DNAI4: variants seen among roughly 807,000 people sequenced by gnomAD.
DNAI4 encodes dynein axonemal intermediate chain 4.
DNAI4 carries 85 observed loss-of-function variants against 105.8 expected under a neutral mutation model. The observed-to-expected ratio is 0.80, with a 90% CI of 0.67 to 0.96. The LOEUF (loss-of-function observed/expected upper bound fraction) is 0.96, where lower values mean the gene tolerates loss of function less well. Among genes scored for constraint, DNAI4 ranks in the 40% least tolerant of loss-of-function variants. DNAI4 has a pLI of 0.00. For synonymous variants in DNAI4, 352 were observed against 331.5 expected, an observed-to-expected ratio of 1.06 and a Z score of -0.67; for missense variants, 1,014 against 1,005.6, an observed-to-expected ratio of 1.01 and a Z score of -0.11.
rs572128431 is a variant in DNAI4 at position 66,814,035 on chromosome 1, T to A, written c.*95A>T. ...AAGTTATACATCAAATATTGTTTTC[T>A]GAAATCAAAATCTGGTGTACAGTAT... On this transcript the variant is annotated 3_prime_UTR_variant, in exon 17 of 17. Transcript: ENST00000371026. The A allele has an allele frequency of 1.2e-6, 1 of 851,048 alleles. No homozygotes were observed. Among genetic ancestry groups the A allele is most frequent in the South Asian group, 2.5e-5 (1 of 39,726 alleles). The allele number at this position is 851,048 out of a possible 1,614,324, so 52.7% of individuals were successfully genotyped here.
intron 1 of DNAI4, among the ~76,000 whole-genome samples, chr1:66,914,543 C>T (rs1238488872): frequency 6.6e-6 from 1 of 152,020 alleles, no homozygotes; most frequent in Non-Finnish European, 1.5e-5. Context: ...TTTTCATTTC[C>T]TTCTAGCACA....
chr1:66,819,060 AG>A (rs1391639193), intron 16 of DNAI4, among the ~76,000 whole-genome samples: 2 of 152,216 alleles, frequency 1.3e-5, no homozygotes, highest in Non-Finnish European at 2.9e-5. Flanking sequence ...CTTTCTGAAG[AG>A]GCTATTTTAA....
intron 7 of DNAI4, chr1:66,848,229 T>C (rs1331576535): frequency 1.3e-5 from 6 of 456,208 alleles, no homozygotes; most frequent in South Asian, 9.3e-5. Flanking sequence ...CACCACAACC[T>C]TTCCTTCATC....
chr1:66,901,766 G>A (rs1164421692), intron 2 of DNAI4, among the ~76,000 whole-genome samples: 1 of 152,100 alleles, frequency 6.6e-6, no homozygotes, highest in Non-Finnish European at 1.5e-5. Context: ...TCAAGGTTTG[G>A]AGGAATCACG....
chr1:66,924,739 C>T lies in DNAI4; in HGVS notation c.93G>A (p.Gly31=). Residue 31 remains glycine (G), a synonymous_variant, in exon 1 of 17, where the codon GGG becomes GGA. Coordinates refer to ENST00000371026, the MANE Select transcript of DNAI4 (RefSeq NM_024763.5). ...YRDFRGGQKK[G]WCTTPQLVAT... is the part of the protein sequence containing the mutation. ...CGACCAGCTGGGGAGTGGTGCACCA[C>T]CCCTTTTTTTGGCCGCCTCTGAAGT... 2 of 1,614,070 alleles carry T rather than the reference C, an allele frequency of 1.2e-6. No individual in the cohort carries two copies. Among genetic ancestry groups the T allele is most frequent in the Non-Finnish European group, 8.5e-7 (1 of 1,179,950 alleles).
At chr1:66,902,234 GT>G (rs35528389) in intron 2 of DNAI4, among the ~76,000 whole-genome samples, 10 of 151,706 alleles carry the variant, frequency 6.6e-5, no homozygotes, top group Non-Finnish European at 1.3e-4. Context: ...ATTTTGTTTT[GT>G]TTTTTTTAAT....
intron 5 of DNAI4, among the ~76,000 whole-genome samples, chr1:66,872,210 TTTATTTATTA>T (rs1478965768): frequency 9.5e-6 from 1 of 104,756 alleles, no homozygotes; most frequent in Non-Finnish European, 2.1e-5. Context: ...GGTTATTTTA[TTTATTTATTA>T]TTTATTTATT....
At chr1:66,908,998 T>C (rs868468508) in intron 1 of DNAI4, among the ~76,000 whole-genome samples, 19 of 152,286 alleles carry the variant, frequency 1.2e-4, no homozygotes, top group Middle Eastern at 6.8e-3. Flanking sequence ...CTGAATGAAT[T>C]CTCTATTATT....
chr1:66,873,222 C>G (rs1646886970), intron 5 of DNAI4, among the ~76,000 whole-genome samples: 1 of 150,978 alleles, frequency 6.6e-6, no homozygotes, highest in South Asian at 2.1e-4. Context: ...CCCTCCTCTC[C>G]CTCCTCTTCT....
At chr1:66,879,347 G>A (rs1401250339) in intron 4 of DNAI4, among the ~76,000 whole-genome samples, 1 of 152,140 alleles carries the variant, frequency 6.6e-6, no homozygotes, top group African/African-American at 2.4e-5. Flanking sequence ...CATCAATCTT[G>A]TTGCATGGAT....
In DNAI4 at chr1:66,813,707, G is replaced by A. The variant is rs1033229447; in HGVS notation, c.*423C>T. On this transcript the variant is annotated 3_prime_UTR_variant, in exon 17 of 17. Coordinates refer to ENST00000371026, the MANE Select transcript of DNAI4 (RefSeq NM_024763.5). Reference sequence around the variant, plus strand: ...TAAAAACTACGTAATTATAAACTCTGGAAAACAGAGCCTGGAAAGCAGAAG... The same window carrying A: ...TAAAAACTACGTAATTATAAACTCTAGAAAACAGAGCCTGGAAAGCAGAAG... 2 of 153,428 alleles carry A rather than the reference G, an allele frequency of 1.3e-5. No homozygotes were observed. Among genetic ancestry groups the A allele is most frequent in the African/African-American group, 4.8e-5 (2 of 41,574 alleles). The allele number at this position is 153,428 out of a possible 1,614,324, so 9.5% of individuals were successfully genotyped here.
chr1:66,834,204 C>G (rs1645932136), intron 11 of DNAI4, 56 bp from the exon 12 acceptor site: 2 of 1,412,888 alleles, frequency 1.4e-6, no homozygotes, highest in African/African-American at 3.0e-5. Context: ...TTCTTAAAGG[C>G]CTTGGAGTAT....
chr1:66,870,458 AG>A (rs1646819426), intron 6 of DNAI4, among the ~76,000 whole-genome samples: 2 of 148,858 alleles, frequency 1.3e-5, no homozygotes, highest in Non-Finnish European at 3.0e-5. Context: ...AAAAAAAAAA[AG>A]AATATAACCA....
chr1:66,893,322 G>A lies in DNAI4; in HGVS notation c.437C>T (p.Thr146Ile), dbSNP rs1249700809. Reference sequence around the variant, plus strand: ...TGATCCAAGTGATCCTTCTTGTGATGTCAAGAGTTTACTTGGTTTTGCTGT... The same window carrying A: ...TGATCCAAGTGATCCTTCTTGTGATATCAAGAGTTTACTTGGTTTTGCTGT... ...TGTAKPSKLL[T>I]SQEGSLGSEF... is the part of the protein sequence containing the mutation. The change falls in exon 3 of 17, where the codon ACA becomes ATA. Residue 146 changes from threonine (T) to isoleucine (I), a missense_variant. Coordinates refer to ENST00000371026, the MANE Select transcript of DNAI4 (RefSeq NM_024763.5). 6.2e-7 allele frequency: 1 copy of A among 1,610,388 alleles called. No homozygotes were observed. Among genetic ancestry groups the A allele is most frequent in the Admixed American group, 1.7e-5 (1 of 59,634 alleles).
At chr1:66,919,446 G>A (rs1024481053) in intron 1 of DNAI4, among the ~76,000 whole-genome samples, 2 of 152,186 alleles carry the variant, frequency 1.3e-5, no homozygotes, top group African/African-American at 4.8e-5. Context: ...ACAACCTACT[G>A]GGAGCAGAAA....
At chr1:66,852,763 CCCAATGTAATGGTGATTAGGAGGTAGGA>C (rs1440211657) in intron 7 of DNAI4, among the ~76,000 whole-genome samples, 2 of 151,958 alleles carry the variant, frequency 1.3e-5, no homozygotes, top group Non-Finnish European at 2.9e-5. Context: ...AATTCTAACC[CCCAATGTAATGGTGATTAGGAGGTAGGA>C]CCTTTGGCAG....
chr1:66,872,568 T>C (rs1646869369), intron 5 of DNAI4, among the ~76,000 whole-genome samples: 1 of 152,146 alleles, frequency 6.6e-6, no homozygotes, highest in African/African-American at 2.4e-5. Flanking sequence ...TCAGGATTAC[T>C]ATACCTTCCT....
chr1:66,884,462 C>G (rs1392046718), intron 4 of DNAI4, among the ~76,000 whole-genome samples: 1 of 152,148 alleles, frequency 6.6e-6, no homozygotes. Flanking sequence ...CCTTCTTTTT[C>G]TGCATCTGAT....
intron 3 of DNAI4, among the ~76,000 whole-genome samples, 169 bp downstream of exon 3, chr1:66,893,060 A>AAAGAAAGGAAGGAAG (rs1557965271): frequency 2.1e-5 from 2 of 93,322 alleles, no homozygotes; most frequent in African/African-American, 9.4e-5. Context: ...AGAAAGAGAG[A>AAAGAAAGGAAGGAAG]GAGAGAAAGA....
Sources: allele counts gnomAD v4.1 joint callset (sites outside exome capture counted in the v4.1 genomes callset), GRCh38; gene constraint gnomAD v4.1.1; transcripts MANE v1.5; gene names NCBI Gene and HGNC (gene_info 2026-07-23, HGNC 2026-07-21).